The following AR variants were observed in gnomAD, a reference collection of about 807,000 sequenced individuals.
AR encodes dihydrotestosterone receptor.
In AR, 8 loss-of-function variants were observed where a neutral mutation model predicts 53.9. The observed-to-expected ratio is 0.15, with a 90% CI of 0.09 to 0.27. AR has a LOEUF of 0.27. AR is among the 10% of genes least tolerant of loss of function. AR has a pLI of 1.00. For synonymous variants in AR, 359 were observed against 316.4 expected, an observed-to-expected ratio of 1.13 and a Z score of -1.43; for missense variants, 639 against 742.5, an observed-to-expected ratio of 0.86 and a Z score of 1.62.
At position 67,673,590 on chromosome X, in the gene AR, T is replaced by C. The variant is rs1030187956; in HGVS notation, c.1769-12420T>C. On this transcript the variant is annotated intron_variant, in intron 2 of 7. Transcript: ENST00000374690. ...TAAGAGACTCTGAGGCATTCTTCAG[T>C]GTGTCAGTTGCATTTTTCAGCACCA... is the stretch of plus-strand genomic sequence containing the variant. 2.7e-5 allele frequency among the ~76,000 whole-genome samples: 3 copies of C among 109,839 alleles called. No homozygotes were observed. The Admixed American group carries it at 2.9e-4, about 11-fold the overall frequency.
chrX:67,661,587 T>C (rs1926920837), intron 2 of AR, among the ~76,000 whole-genome samples: 1 of 110,636 alleles, frequency 9.0e-6, no homozygotes, highest in African/African-American at 3.3e-5. Flanking sequence ...GTGGATACGC[T>C]TTTTGCTGGT....
intron 1 of AR, among the ~76,000 whole-genome samples, chrX:67,636,912 T>C (rs1224419093): frequency 8.9e-6 from 1 of 111,774 alleles, no homozygotes. Flanking sequence ...TCACTATTTA[T>C]CTTCCTCTTC....
intron 3 of AR, among the ~76,000 whole-genome samples, chrX:67,703,197 C>A (rs940197473): frequency 2.7e-5 from 3 of 112,058 alleles, no homozygotes; most frequent in Non-Finnish European, 5.6e-5. Context: ...CAATAAAATT[C>A]TCTCTTTGGT....
intron 1 of AR, among the ~76,000 whole-genome samples, chrX:67,631,807 A>T (rs1369727778): frequency 8.9e-6 from 1 of 111,791 alleles, no homozygotes; most frequent in African/African-American, 3.3e-5. Flanking sequence ...TGATGTACAG[A>T]TGGGTTTTTG....
chrX:67,564,000 T>A (rs1363198190), intron 1 of AR, among the ~76,000 whole-genome samples: 1 of 111,239 alleles, frequency 9.0e-6, no homozygotes. Context: ...TCCCTTCTCA[T>A]CCTTGTGATC....
chrX:67,546,570 C>G lies in AR; in HGVS notation c.1424C>G (p.Ala475Gly). The stretch of plus-strand genomic sequence containing the variant: ...GGCGGCGGCGGCGGCGGCGGCGAGG[C>G]GGGAGCTGTAGCCCCCTACGGCTAC... Reference protein sequence around the residue: ...GGGGGGGGGEAGAVAPYGYTR... With the variant: ...GGGGGGGGGEGGAVAPYGYTR... The change falls in exon 1 of 8, where the codon GCG (alanine) becomes GGG (glycine). Residue 475 changes from alanine (A) to glycine (G), a missense_variant. Coordinates refer to ENST00000374690, the MANE Select transcript of AR (RefSeq NM_000044.6). 1 of 1,014,809 alleles carries G rather than the reference C, an allele frequency of 9.9e-7. No individual in the cohort carries two copies. Among genetic ancestry groups the G allele is most frequent in the Non-Finnish European group, 1.3e-6 (1 of 789,661 alleles). The allele number at this position is 1,014,809 out of a possible 1,213,427, so 83.6% of individuals were successfully genotyped here. A position where few individuals can be genotyped will look rare whatever the true frequency, so the allele number is the denominator to read the frequency against.
intron 1 of AR, among the ~76,000 whole-genome samples, chrX:67,558,964 A>G (rs1488449126): frequency 8.9e-6 from 1 of 112,199 alleles, no homozygotes; most frequent in African/African-American, 3.2e-5. Flanking sequence ...GGAAGTGCCA[A>G]TATTAGAATC....
chrX:67,642,129 C>A (rs1209747641), intron 1 of AR, among the ~76,000 whole-genome samples: 1 of 111,700 alleles, frequency 9.0e-6, no homozygotes, highest in Non-Finnish European at 1.9e-5. Flanking sequence ...CATTTTCCTT[C>A]ATTCCTTAGT....
At chrX:67,704,094 C>T (rs1458263638) in intron 3 of AR, among the ~76,000 whole-genome samples, 1 of 111,702 alleles carries the variant, frequency 9.0e-6, no homozygotes, top group Middle Eastern at 4.6e-3. Flanking sequence ...TGAATAGTGC[C>T]ACAATAAACA....
At chrX:67,630,598 G>T (rs1414535916) in intron 1 of AR, among the ~76,000 whole-genome samples, 1 of 109,962 alleles carries the variant, frequency 9.1e-6, no homozygotes, top group Admixed American at 9.7e-5. Context: ...TATCCAATTT[G>T]CCAGTCTGTG....
At chrX:67,709,340 CG>C (rs2076083509) in intron 3 of AR, among the ~76,000 whole-genome samples, 1 of 112,073 alleles carries the variant, frequency 8.9e-6, no homozygotes, top group Non-Finnish European at 1.9e-5. Flanking sequence ...TCAGCAATGG[CG>C]GGTGCCCCTC....
At chrX:67,580,340 TAATAA>T (rs1308456088) in intron 1 of AR, among the ~76,000 whole-genome samples, 1 of 111,717 alleles carries the variant, frequency 9.0e-6, no homozygotes, top group Non-Finnish European at 1.9e-5. Flanking sequence ...CTTCTACAAA[TAATAA>T]TCTGTTGTCA....
intron 4 of AR, among the ~76,000 whole-genome samples, chrX:67,714,344 A>G (rs1311567359): frequency 8.9e-6 from 1 of 112,116 alleles, no homozygotes; most frequent in African/African-American, 3.2e-5. Context: ...AGCCTGAAAC[A>G]TAGTCAATGC....
At chrX:67,684,223 C>T (rs1410880252) in intron 2 of AR, among the ~76,000 whole-genome samples, 1 of 111,834 alleles carries the variant, frequency 8.9e-6, no homozygotes, top group East Asian at 2.8e-4. Flanking sequence ...GGAGCTAACA[C>T]CCAAAGGCTG....
Position 67,722,979 on chromosome X carries a change from C to A in AR, c.2602C>A (p.Gln868Lys), listed in dbSNP as rs2147538334. The stretch of plus-strand genomic sequence containing the variant: ...GCTCACCAAGCTCCTGGACTCCGTG[C>A]AGCCTGTAAGCAAACGATGGAGGGT... ...YQLTKLLDSV[Q>K]PIARELHQFT... The change falls in exon 7 of 8, where the codon CAG (glutamine) becomes AAG (lysine). Residue 868 changes from glutamine (Q) to lysine (K), a missense_variant. Around this residue, in one of 5 missense-constraint regions of AR, gnomAD observed 95 missense variants for 196.4 expected, o/e 0.48. Coordinates refer to ENST00000374690, the MANE Select transcript of AR (RefSeq NM_000044.6). 8.3e-7 allele frequency: 1 copy of A among 1,211,684 alleles called. No homozygotes were observed. Among genetic ancestry groups the A allele is most frequent in the Non-Finnish European group, 1.1e-6 (1 of 895,375 alleles).
intron 1 of AR, among the ~76,000 whole-genome samples, chrX:67,582,676 T>G (rs1922348458): frequency 9.0e-6 from 1 of 111,703 alleles, no homozygotes; most frequent in African/African-American, 3.3e-5. Flanking sequence ...CAAAAATAAT[T>G]GTACCAGTTC....
chrX:67,705,008 TCTGTTTTGGTACCAGTATCATG>T (rs1390353761), intron 3 of AR, among the ~76,000 whole-genome samples: 1 of 111,952 alleles, frequency 8.9e-6, no homozygotes, highest in African/African-American at 3.3e-5. Context: ...GATCTATATC[TCTGTTTTGGTACCAGTATCATG>T]CTGTTTTGGT....
At chrX:67,717,699 G>A (rs919948822) in intron 5 of AR, 77 bp downstream of exon 5, 4 of 1,162,438 alleles carry the variant, frequency 3.4e-6, no homozygotes, top group Non-Finnish European at 3.5e-6. Flanking sequence ...TGGTGATGGG[G>A]TGACAGTGAA....
chrX:67,589,083 C>T, intron 1 of AR, among the ~76,000 whole-genome samples: 1 of 112,453 alleles, frequency 8.9e-6, no homozygotes, highest in East Asian at 2.8e-4. Flanking sequence ...TTGTTAACTA[C>T]AAATTAAGTG....
Sources: gnomAD v4.1 joint callset for allele counts (sites outside exome capture counted in the v4.1 genomes callset) on GRCh38, gnomAD v4.1.1 for gene constraint, gnomAD v4.1.1 regional missense constraint, MANE v1.5 for transcripts, NCBI Gene and HGNC (gene_info 2026-07-23, HGNC 2026-07-21) for gene names.